The following KASH5 variants were observed in gnomAD, a reference collection of about 807,000 sequenced individuals.
KASH5 encodes protein KASH5.
In KASH5, 72 loss-of-function variants were observed where a neutral mutation model predicts 84.2. The observed-to-expected ratio is 0.85, with a 90% CI of 0.71 to 1.04. The LOEUF (loss-of-function observed/expected upper bound fraction) is 1.04. Among genes scored for constraint, KASH5 ranks in the 50% least tolerant of loss-of-function variants. The pLI, the probability that KASH5 is intolerant of heterozygous loss-of-function variation, is 0.00. For missense variants in KASH5, 650 were observed against 701.0 expected (o/e 0.93, Z 0.82); for synonymous variants, 260 against 279.1 (o/e 0.93, Z 0.68).
rs547460572 is a variant in KASH5, at chr19:49,414,980, C to G, written c.1358C>G (p.Ala453Gly). ...WLTRREEEED[A>G]ESQVTADLPV... ...ACCAGAAGAGAGGAAGAGGAGGATG[C>G]AGAGAGCCAGGTCACGGTAGGCAGT... Residue 453 changes from alanine to glycine, a missense_variant, in exon 17 of 20, where the codon GCA (alanine) becomes GGA (glycine). Transcript: ENST00000447857. The surrounding 1 kb of genome is among the most constrained non-coding windows in gnomAD (Gnocchi z 4.5). The G allele has an allele frequency of 2.5e-6, 4 of 1,612,880 alleles. No individual in the cohort carries two copies. In the South Asian group the frequency reaches 3.3e-5, roughly 13 times the overall value.
intron 2 of KASH5, 32 bp from the exon 3 acceptor site, chr19:49,394,444 C>T (rs367979802): frequency 6.4e-7 from 1 of 1,559,734 alleles, no homozygotes; most frequent in Non-Finnish European, 8.8e-7. Flanking sequence ...TTATTCTTCC[C>T]ACTGGTGAGC....
Position 49,399,135 on chromosome 19 carries a change from G to A in KASH5, c.740G>A (p.Arg247Gln), listed in dbSNP as rs942688956. Residue 247 changes from arginine (R) to glutamine (Q), a missense_variant, in exon 8 of 20, where the codon CGG (arginine) becomes CAG (glutamine). By Grantham distance (43) the Arg-to-Gln change is conservative. Coordinates refer to ENST00000447857, the MANE Select transcript of KASH5 (RefSeq NM_144688.5). The surrounding 1 kb of genome is among the most constrained non-coding windows in gnomAD (Gnocchi z 4.4). ...AATCGCAGCCTTCTGGCCCAAGCCC[G>A]GCAGGCGGTGGGTCTGGCCCAGGGG... ...EQNRSLLAQA[R>Q]QAEKEQQHLV... 40 of 1,549,568 alleles carry A rather than the reference G, an allele frequency of 2.6e-5. No individual in the cohort carries two copies. The highest frequency in any genetic ancestry group is 3.1e-5 in the Non-Finnish European group (35 of 1,146,248).
intron 9 of KASH5, among the ~76,000 whole-genome samples, chr19:49,405,550 G>C (rs138916134): frequency 6.6e-6 from 1 of 152,036 alleles, no homozygotes; most frequent in Non-Finnish European, 1.5e-5. Context: ...TATGATAGTG[G>C]TATTGTGGTT....
Position 49,412,952 on chromosome 19 carries a change from C to A in KASH5, c.1270-16C>A. ...TGAGAAGAATCAGAGAAGAACTAAC[C>A]TTTTTGTTTCCACAGAGAAACTTCC... On this transcript the variant is annotated splice_polypyrimidine_tract_variant and intron_variant, in intron 15 of 19. Transcript: ENST00000447857. This position sits in a 1 kb window ranked among gnomAD's most constrained non-coding sequence, Gnocchi z 4.6. 1 of 1,613,492 alleles carries A rather than the reference C, an allele frequency of 6.2e-7. No homozygotes were observed. Among genetic ancestry groups the A allele is most frequent in the Non-Finnish European group, 8.5e-7 (1 of 1,179,628 alleles).
chr19:49,395,364 G>C lies in KASH5; in HGVS notation c.335+72G>C, dbSNP rs754709479. 7.3e-6 allele frequency: 11 copies of C among 1,511,454 alleles called. No individual in the cohort carries two copies. The highest frequency in any genetic ancestry group is 9.9e-6 in the Non-Finnish European group (11 of 1,108,852). 93.6% of individuals were successfully genotyped at this position (1,511,454 alleles called of 1,614,324 possible). ...TCTAACCTCATACCTGCTTACTGGAGCCAGCATCCTTTAGGCCCAAGGACC... is the reference window on the plus strand; with the variant it reads ...TCTAACCTCATACCTGCTTACTGGACCCAGCATCCTTTAGGCCCAAGGACC... On this transcript the variant is annotated intron_variant, in intron 4 of 19. Coordinates refer to ENST00000447857, the MANE Select transcript of KASH5 (RefSeq NM_144688.5). This position sits in a 1 kb window ranked among gnomAD's most constrained non-coding sequence, Gnocchi z 4.4.
At chr19:49,405,251 G>C (rs775878535) in intron 9 of KASH5, among the ~76,000 whole-genome samples, 13 of 152,032 alleles carry the variant, frequency 8.6e-5, no homozygotes, top group Non-Finnish European at 1.5e-5. Context: ...GAGGTCAGAA[G>C]GTCAAGACCA....
Position 49,407,636 on chromosome 19 carries a change from G to A in KASH5, c.958G>A (p.Ala320Thr). 6.2e-7 allele frequency: 1 copy of A among 1,604,034 alleles called. No individual in the cohort carries two copies. Among genetic ancestry groups the A allele is most frequent in the South Asian group, 1.1e-5 (1 of 89,110 alleles). Residue 320 changes from alanine (A) to threonine (T), a missense_variant, in exon 12 of 20, where the codon GCC (alanine) becomes ACC (threonine). By Grantham distance (58) the Ala-to-Thr change is moderately conservative. Transcript: ENST00000447857. ...SERTRDVESL[A>T]QTLEEYRVTT... Reference sequence around the variant, plus strand: ...GCGCACTCGCGATGTGGAGAGCCTGGCCCAGACCCTGGAAGAATACAGAGT... The same window carrying A: ...GCGCACTCGCGATGTGGAGAGCCTGACCCAGACCCTGGAAGAATACAGAGT...
In KASH5 at chr19:49,417,333, G is replaced by A. The variant is rs1001509970; in HGVS notation, c.1548-36G>A. 1 of 1,563,922 alleles carries A rather than the reference G, an allele frequency of 6.4e-7. No homozygotes were observed. Among genetic ancestry groups the A allele is most frequent in the Non-Finnish European group, 8.7e-7 (1 of 1,153,320 alleles). ...CATTGGGAAGAGCAGGGGCTGCCCA[G>A]ACCCTGCCCTAAATGCTCTCCCACC... On this transcript the variant is annotated intron_variant, in intron 19 of 19. Coordinates refer to ENST00000447857, the MANE Select transcript of KASH5 (RefSeq NM_144688.5). The surrounding 1 kb of genome is among the most constrained non-coding windows in gnomAD (Gnocchi z 5.2).
At chr19:49,407,447 C>G (rs1974564068) in intron 11 of KASH5, among the ~76,000 whole-genome samples, 151 bp downstream of exon 11, 1 of 152,068 alleles carries the variant, frequency 6.6e-6, no homozygotes, top group Admixed American at 6.5e-5. Context: ...AAGTGTGACC[C>G]CTCAGGGATC....
chr19:49,414,886 C>A lies in KASH5; in HGVS notation c.1329-65C>A, dbSNP rs1390331780. ...CCTGCTCCAAGGCTTCTCTCCCAGC[C>A]CATAGTAGGCAAAGGGAACCAGGGA... is the stretch of plus-strand genomic sequence containing the variant. On this transcript the variant is annotated intron_variant, in intron 16 of 19. Transcript: ENST00000447857. The surrounding 1 kb of genome is among the most constrained non-coding windows in gnomAD (Gnocchi z 4.5). 2 of 1,569,470 alleles carry A rather than the reference C, an allele frequency of 1.3e-6. No homozygotes were observed. The highest frequency in any genetic ancestry group is 2.7e-5 in the African/African-American group (2 of 74,026).
intron 7 of KASH5, 135 bp from the exon 8 acceptor site, chr19:49,398,890 C>T: frequency 3.0e-6 from 2 of 664,682 alleles, no homozygotes; most frequent in East Asian, 5.7e-5. Flanking sequence ...CTCTGTCCTC[C>T]CCTCTCTCTG....
chr19:49,403,970 G>T (rs1415566548), intron 9 of KASH5, among the ~76,000 whole-genome samples: 1 of 152,252 alleles, frequency 6.6e-6, no homozygotes, highest in East Asian at 1.9e-4. Flanking sequence ...GATCCAGGCA[G>T]CCTTCCTGTG....
rs1974405946 is a variant in KASH5 at position 49,402,881 on chromosome 19, A to T, written c.798+3374A>T. On this transcript the variant is annotated intron_variant, in intron 9 of 19. Coordinates refer to ENST00000447857, the MANE Select transcript of KASH5 (RefSeq NM_144688.5). ...AGAAATGATGACTTCAATCTACACG[A>T]CATTCATTTCCTTAACCAGAGGTTT... 4.6e-5 allele frequency among the ~76,000 whole-genome samples: 7 copies of T among 152,302 alleles called. No individual in the cohort carries two copies. In the South Asian group the frequency reaches 1.4e-3, roughly 32 times the overall value.
chr19:49,412,901 G>T lies in KASH5; in HGVS notation c.1270-67G>T. ...TCTGGGACCGGCGGGGGAGACAGTG[G>T]GCACTGTTAGGGTTGGAGCTTTGAG... On this transcript the variant is annotated intron_variant, in intron 15 of 19. Transcript: ENST00000447857. This position sits in a 1 kb window ranked among gnomAD's most constrained non-coding sequence, Gnocchi z 4.6. 1 of 1,505,048 alleles carries T rather than the reference G, an allele frequency of 6.6e-7. No homozygotes were observed. The highest frequency in any genetic ancestry group is 1.2e-5 in the South Asian group (1 of 86,736). 93.2% of individuals were successfully genotyped at this position (1,505,048 alleles called of 1,614,324 possible).
intron 6 of KASH5, 41 bp from the exon 7 acceptor site, chr19:49,397,941 G>C: frequency 1.3e-6 from 2 of 1,599,310 alleles, no homozygotes; most frequent in African/African-American, 2.7e-5. Flanking sequence ...AAATGAGTCA[G>C]GGGCTGTGGA....
At chr19:49,407,202 G>A in intron 10 of KASH5, 38 bp from the exon 11 acceptor site, 2 of 1,610,676 alleles carry the variant, frequency 1.2e-6, no homozygotes, top group Middle Eastern at 1.7e-4. Context: ...GGGGAGTCCT[G>A]GGAGGCTGGA....
At position 49,395,851 on chromosome 19, in the gene KASH5, A is replaced by T. The variant is rs1974159764; in HGVS notation, c.400+18A>T. The T allele has an allele frequency of 6.5e-7, 1 of 1,548,594 alleles. No individual in the cohort carries two copies. ...GCCATCTGGTGAGATTGCTATATATAGAATGAAGCAGGCAGGCCCTGGGTC... is the reference window on the plus strand; with the variant it reads ...GCCATCTGGTGAGATTGCTATATATTGAATGAAGCAGGCAGGCCCTGGGTC... On this transcript the variant is annotated intron_variant, in intron 5 of 19. Coordinates refer to ENST00000447857, the MANE Select transcript of KASH5 (RefSeq NM_144688.5). The surrounding 1 kb of genome is among the most constrained non-coding windows in gnomAD (Gnocchi z 4.4).
At chr19:49,410,180 T>C (rs1974665278) in intron 15 of KASH5, among the ~76,000 whole-genome samples, 1 of 152,230 alleles carries the variant, frequency 6.6e-6, no homozygotes, top group South Asian at 2.1e-4. Context: ...TTATTTAAAA[T>C]CGTACTACTG....
rs753446809 is a variant in KASH5, at chr19:49,399,480, G to A, written c.771G>A (p.Val257=). The change falls in exon 9 of 20, where the codon GTG becomes GTA. Residue 257 remains valine, a synonymous_variant. Coordinates refer to ENST00000447857, the MANE Select transcript of KASH5 (RefSeq NM_144688.5). The surrounding 1 kb of genome is among the most constrained non-coding windows in gnomAD (Gnocchi z 4.4). ...AGGAAAAGGAGCAGCAGCATCTGGT[G>A]GCTGAGATGGAGACTCTGCAGGAGG... ...RQAEKEQQHL[V]AEMETLQEEN... 5.0e-6 allele frequency: 8 copies of A among 1,611,274 alleles called. No homozygotes were observed. The highest frequency in any genetic ancestry group is 1.3e-5 in the African/African-American group (1 of 74,882).
Sources: allele counts gnomAD v4.1 joint callset (sites outside exome capture counted in the v4.1 genomes callset), GRCh38; gene constraint gnomAD v4.1.1; non-coding constraint Gnocchi (gnomAD v3.1); transcripts MANE v1.5; gene names NCBI Gene and HGNC (gene_info 2026-07-23, HGNC 2026-07-21).